Variants in TFIP11 observed in about 807,000 individuals in gnomAD.
TFIP11 encodes the protein tuftelin interacting protein 11.
In TFIP11, 86 loss-of-function variants were observed where a neutral mutation model predicts 96.8. The ratio of observed to expected loss-of-function variants is 0.89; its 90% CI spans 0.75 to 1.06. The LOEUF (loss-of-function observed/expected upper bound fraction) is 1.06. Ranked by LOEUF, TFIP11 falls within the 50% of genes least tolerant of loss-of-function variation. TFIP11 has a pLI of 0.00. For synonymous variants in TFIP11, 405 were observed against 395.2 expected (o/e 1.02, Z -0.29); for missense variants, 881 against 1,076.7 (o/e 0.82, Z 2.54).
chr22:26,503,740 C>A lies in TFIP11; in HGVS notation c.574G>T (p.Ala192Ser). 6.2e-7 allele frequency: 1 copy of A among 1,613,940 alleles called. No homozygotes were observed. The highest frequency in any genetic ancestry group is 1.1e-5 in the South Asian group (1 of 91,068). Residue 192 changes from alanine (A) to serine (S), a missense_variant, in exon 7 of 15, where the codon GCT (alanine) becomes TCT (serine). Physicochemically the swap from Ala to Ser is moderately conservative, Grantham distance 99. Coordinates refer to ENST00000407690, the MANE Select transcript of TFIP11 (RefSeq NM_012143.4). ...KQRKGKGAVGAYGSERTTQSM... is the reference protein window; with the variant it reads ...KQRKGKGAVGSYGSERTTQSM... ...TGAGTGGTGCGCTCGGATCCATAAGCCCCCACAGCACCTTTTCCCTTTCTC... is the reference window on the plus strand; with the variant it reads ...TGAGTGGTGCGCTCGGATCCATAAGACCCCACAGCACCTTTTCCCTTTCTC...
At position 26,506,463 on chromosome 22, in the gene TFIP11, C is replaced by A. The variant is rs1923424290; in HGVS notation, c.364-4G>T. ...GGCTGGGCTTAAAATTGCCACCCTG[C>A]AAAAAAGAAAAATCAAAGCTTAGTT... On this transcript the variant is annotated splice_region_variant and splice_polypyrimidine_tract_variant and intron_variant, in intron 5 of 14. Transcript: ENST00000407690. 1 of 1,583,666 alleles carries A rather than the reference C, an allele frequency of 6.3e-7. No homozygotes were observed.
chr22:26,492,782 C>A, intron 14 of TFIP11: 1 of 187,808 alleles, frequency 5.3e-6, no homozygotes, highest in South Asian at 1.1e-4. Context: ...TTTAACCTAC[C>A]CACACAGGGC....
chr22:26,492,039 G>A lies in TFIP11; in HGVS notation c.2488C>T (p.Gln830Ter). 1 of 1,603,974 alleles carries A rather than the reference G, an allele frequency of 6.2e-7. No homozygotes were observed. The highest frequency in any genetic ancestry group is 8.5e-7 in the Non-Finnish European group (1 of 1,175,294). Residue 830 changes from glutamine to a stop codon, truncating the protein, a stop_gained, in exon 15 of 15, where the codon CAG (glutamine) becomes TAG (stop). Coordinates refer to ENST00000407690, the MANE Select transcript of TFIP11 (RefSeq NM_012143.4). LOFTEE classifies it high-confidence loss of function. Reference protein sequence around the residue: ...GEKTWVPTSLQSLIDMAK With the variant: ...GEKTWVPTSL ...CACTTGGCCATGTCGATCAGGCTCT[G>A]CAGTGAGGTGGGCACCCACGTCTTC... is the stretch of plus-strand genomic sequence containing the variant.
chr22:26,505,248 G>A (rs776373169), intron 6 of TFIP11, among the ~76,000 whole-genome samples: 11 of 152,128 alleles, frequency 7.2e-5, no homozygotes, highest in Non-Finnish European at 1.2e-4. Context: ...GTCTCAAGAA[G>A]GTAAGAGTGT....
Position 26,492,382 on chromosome 22 carries a change from G to A in TFIP11, c.2159-14C>T. The A allele has an allele frequency of 6.2e-7, 1 of 1,612,232 alleles. No homozygotes were observed. Among genetic ancestry groups the A allele is most frequent in the Non-Finnish European group, 8.5e-7 (1 of 1,178,470 alleles). On this transcript the variant is annotated splice_polypyrimidine_tract_variant and intron_variant, in intron 14 of 14. Coordinates refer to ENST00000407690, the MANE Select transcript of TFIP11 (RefSeq NM_012143.4). ...GCATGTAGGCACCTAAGATACAGGA[G>A]GACAGGGCGGTGAGGAGAGGTGTTT...
intron 11 of TFIP11, 145 bp from the exon 12 acceptor site, chr22:26,496,461 T>C (rs765359570): frequency 1.4e-4 from 164 of 1,167,496 alleles, no homozygotes; most frequent in Admixed American, 4.3e-4. Flanking sequence ...CAAACAAATA[T>C]GCCCATCCAT....
intron 4 of TFIP11, among the ~76,000 whole-genome samples, chr22:26,508,598 G>C (rs2034370123): frequency 6.6e-6 from 1 of 152,224 alleles, no homozygotes; most frequent in Non-Finnish European, 1.5e-5. Context: ...GCTCACGCCT[G>C]TAATCCCAGC....
chr22:26,495,260 C>CTTTTTTTTTTTTTTTTTT (rs150268332), intron 12 of TFIP11, among the ~76,000 whole-genome samples: 2 of 59,156 alleles, frequency 3.4e-5, no homozygotes, highest in African/African-American at 7.4e-5. Flanking sequence ...CAACTCCTGG[C>CTTTTTTTTTTTTTTTTTT]TTTTTTTTTT....
At chr22:26,500,732 C>T (rs1189722005) in intron 8 of TFIP11, among the ~76,000 whole-genome samples, 1 of 151,826 alleles carries the variant, frequency 6.6e-6, no homozygotes, top group African/African-American at 2.4e-5. Flanking sequence ...ACTCTTATTT[C>T]TTATCAGGTC....
chr22:26,495,780 T>TC (rs1921935611), intron 12 of TFIP11, among the ~76,000 whole-genome samples: 1 of 151,912 alleles, frequency 6.6e-6, no homozygotes, highest in African/African-American at 2.4e-5. Context: ...ATTTTAGAAC[T>TC]CCAATGGCTG....
rs774492088 is a variant in TFIP11 at position 26,499,152 on chromosome 22, G to A, written c.1281C>T (p.Ile427=). The A allele has an allele frequency of 1.6e-5, 25 of 1,600,092 alleles. No individual in the cohort carries two copies. Among genetic ancestry groups the A allele is most frequent in the Non-Finnish European group, 1.8e-5 (21 of 1,171,598 alleles). ...MSDRVDLAVA[I]VYPLMKEYFK... ...AGTACTCCTTCATGAGTGGATAGACGATGGCCACAGCAAGGTCCACACGGT... is the reference window on the plus strand; with the variant it reads ...AGTACTCCTTCATGAGTGGATAGACAATGGCCACAGCAAGGTCCACACGGT... Residue 427 remains isoleucine (I), a synonymous_variant, in exon 9 of 15, where the codon ATC becomes ATT. Transcript: ENST00000407690.
chr22:26,499,741 T>C (rs947113071), intron 8 of TFIP11, 110 bp from the exon 9 acceptor site: 10 of 1,163,654 alleles, frequency 8.6e-6, no homozygotes, highest in Admixed American at 2.4e-5. Flanking sequence ...AACCACATTA[T>C]TCAACAGAGC....
chr22:26,509,549 T>A lies in TFIP11; in HGVS notation c.209+515A>T, dbSNP rs949195998. Among the ~76,000 whole-genome samples the A allele has an allele frequency of 5.9e-5, 9 of 152,230 alleles. No homozygotes were observed. In the East Asian group the frequency reaches 1.4e-3, roughly 23 times the overall value. On this transcript the variant is annotated intron_variant, in intron 4 of 14. Transcript: ENST00000407690. ...GGCCTAATACATAGCAATCGCTCAA[T>A]AAACACTGATAATTAAATCAGTGAG... is the stretch of plus-strand genomic sequence containing the variant.
chr22:26,494,716 C>T lies in TFIP11; in HGVS notation c.1992+81G>A, dbSNP rs11703192. The T allele has an allele frequency of 0.054, 84,976 of 1,575,356 alleles. 2,711 individuals carry two copies. The highest frequency in any genetic ancestry group is 0.062 in the Non-Finnish European group (71,314 of 1,153,428). On this transcript the variant is annotated intron_variant, in intron 13 of 14. Transcript: ENST00000407690. ...ATTTATTTTCATTATGGAATTGTAC[C>T]TACAGTCAGGCCTTGGCAGAAAATT...
At position 26,491,929 on chromosome 22, in the gene TFIP11, T is replaced by C. The variant is rs964255542; in HGVS notation, c.*84A>G. 3 of 1,345,546 alleles carry C rather than the reference T, an allele frequency of 2.2e-6. No homozygotes were observed. The highest frequency in any genetic ancestry group is 2.9e-5 in the African/African-American group (2 of 68,798). The allele number at this position is 1,345,546 out of a possible 1,614,324, so 83.4% of individuals were successfully genotyped here. A position where few individuals can be genotyped will look rare whatever the true frequency, so the allele number is the denominator to read the frequency against. On this transcript the variant is annotated 3_prime_UTR_variant, in exon 15 of 15. Coordinates refer to ENST00000407690, the MANE Select transcript of TFIP11 (RefSeq NM_012143.4). ...GCTCCTGAGTAAAGAAGTTACCCTT[T>C]TGAAGGTGATCTAAAAATACTGTTT...
At chr22:26,508,078 C>G (rs939202493) in intron 4 of TFIP11, among the ~76,000 whole-genome samples, 2 of 152,120 alleles carry the variant, frequency 1.3e-5, no homozygotes, top group African/African-American at 4.8e-5. Flanking sequence ...ACTGCACACT[C>G]CAGCTTGGGT....
At chr22:26,505,456 ACC>A (rs1286562827) in intron 6 of TFIP11, among the ~76,000 whole-genome samples, 1 of 152,000 alleles carries the variant, frequency 6.6e-6, no homozygotes, top group African/African-American at 2.4e-5. Flanking sequence ...CAAAATTAAA[ACC>A]CTTGTGAGTA....
At chr22:26,510,383 C>A in intron 3 of TFIP11, 102 bp from the exon 4 acceptor site, 1 of 1,122,340 alleles carries the variant, frequency 8.9e-7, no homozygotes, top group Non-Finnish European at 1.3e-6. Context: ...GAACTTTCTC[C>A]AAATTCAAAG....
chr22:26,508,934 AC>A (rs2147149863), intron 4 of TFIP11, among the ~76,000 whole-genome samples: 2 of 152,204 alleles, frequency 1.3e-5, no homozygotes, highest in East Asian at 3.9e-4. Context: ...AAAACCCCCA[AC>A]CTGGCACACC....
Sources: allele counts gnomAD v4.1 joint callset (sites outside exome capture counted in the v4.1 genomes callset), GRCh38; gene constraint gnomAD v4.1.1; transcripts MANE v1.5; gene names NCBI Gene and HGNC (gene_info 2026-07-23, HGNC 2026-07-21).